Variants in CYP4F22 observed in about 807,000 individuals in gnomAD.
The protein encoded by CYP4F22 is cytochrome P450 family 4 subfamily F member 22.
Under a neutral mutation model 60.4 loss-of-function variants are expected in CYP4F22, and 37 were observed. The observed-to-expected ratio is 0.61, with a 90% CI of 0.47 to 0.81. CYP4F22 has a LOEUF of 0.81. Ranked by LOEUF, CYP4F22 falls within the 30% of genes least tolerant of loss-of-function variation. The pLI is 0.00. For missense variants in CYP4F22, 655 were observed against 715.0 expected (o/e 0.92, Z 0.96); for synonymous variants, 258 against 280.5 (o/e 0.92, Z 0.80).
chr19:15,537,530 C>T lies in CYP4F22; in HGVS notation c.422-5C>T, dbSNP rs762648974. ...AGGTCCCTAACCTCAGTCTTCTGGG[C>T]CCAGGGGATGGGCTGCTGCTCAGCA... On this transcript the variant is annotated splice_region_variant and splice_polypyrimidine_tract_variant and intron_variant, in intron 5 of 13. Coordinates refer to ENST00000269703, the MANE Select transcript of CYP4F22 (RefSeq NM_173483.4). 1 of 1,614,136 alleles carries T rather than the reference C, an allele frequency of 6.2e-7. No individual in the cohort carries two copies. The highest frequency in any genetic ancestry group is 8.5e-7 in the Non-Finnish European group (1 of 1,180,040).
intron 4 of CYP4F22, among the ~76,000 whole-genome samples, chr19:15,534,928 G>A (rs115634028): frequency 2.3e-3 from 343 of 152,264 alleles, no homozygotes; most frequent in African/African-American, 7.8e-3. Context: ...ATGTTGGGGG[G>A]AATAGGAAAT....
intron 12 of CYP4F22, among the ~76,000 whole-genome samples, chr19:15,549,672 AG>A: frequency 6.6e-6 from 1 of 151,422 alleles, no homozygotes; most frequent in East Asian, 2.0e-4. Context: ...TCTACCAAAA[AG>A]GAAAAAGTTG....
At chr19:15,549,297 C>T (rs1377358948) in intron 12 of CYP4F22, 95 bp downstream of exon 12, 11 of 1,212,364 alleles carry the variant, frequency 9.1e-6, no homozygotes, top group Middle Eastern at 3.8e-4. Context: ...GGCCTGAGTG[C>T]GCACACCCCT....
At chr19:15,550,987 T>C (rs1971588596) in intron 13 of CYP4F22, among the ~76,000 whole-genome samples, 1 of 152,076 alleles carries the variant, frequency 6.6e-6, no homozygotes, top group African/African-American at 2.4e-5. Context: ...GCTCCCACGC[T>C]CCCATTGGCT....
chr19:15,551,157 C>T, intron 13 of CYP4F22, 137 bp from the exon 14 acceptor site: 1 of 1,147,826 alleles, frequency 8.7e-7, no homozygotes, highest in African/African-American at 1.5e-5. Context: ...TCACTTTAAC[C>T]CTCACCCAGC....
rs1162465828 is a variant in CYP4F22 at position 15,548,002 on chromosome 19, AGTGTGTGTGTGTGT to A, written c.1137-71_1137-58del. The A allele has an allele frequency of 4.8e-4, 177 of 367,234 alleles. 3 individuals are homozygous for A. Among genetic ancestry groups the A allele is most frequent in the South Asian group, 4.0e-3 (98 of 24,530 alleles). 22.7% of individuals were successfully genotyped at this position (367,234 alleles called of 1,614,324 possible). A position where few individuals can be genotyped will look rare whatever the true frequency, so the allele number is the denominator to read the frequency against. ...GAGAGAGAGAGAGAGAGAGGGAGAGAGTGTGTGTGTGTGTGTGTGTGTGTGTGTGTGTGTGTGTG... is the reference window on the plus strand; with the variant it reads ...GAGAGAGAGAGAGAGAGAGGGAGAGAGTGTGTGTGTGTGTGTGTGTGTGTG... On this transcript the variant is annotated intron_variant, in intron 10 of 13. Transcript: ENST00000269703.
chr19:15,541,541 G>A (rs552232025), intron 8 of CYP4F22, among the ~76,000 whole-genome samples: 5 of 152,184 alleles, frequency 3.3e-5, no homozygotes, highest in African/African-American at 1.2e-4. Context: ...AGCGGAGGGG[G>A]GGTGGGCAGG....
At chr19:15,531,228 A>G (rs1157485399) in intron 4 of CYP4F22, among the ~76,000 whole-genome samples, 3 of 152,232 alleles carry the variant, frequency 2.0e-5, no homozygotes, top group African/African-American at 7.2e-5. Flanking sequence ...GCATTTAAAA[A>G]TATTAGCTGG....
chr19:15,520,743 A>G (rs1177435971), intron 1 of CYP4F22, among the ~76,000 whole-genome samples: 1 of 149,544 alleles, frequency 6.7e-6, no homozygotes, highest in Non-Finnish European at 1.5e-5. Context: ...GAATGCTGCC[A>G]TGCCCTGCTA....
At chr19:15,539,807 T>C (rs1971437997) in intron 7 of CYP4F22, among the ~76,000 whole-genome samples, 1 of 152,196 alleles carries the variant, frequency 6.6e-6, no homozygotes, top group Non-Finnish European at 1.5e-5. Context: ...ACACTTGTTA[T>C]TATAAGTTTT....
At chr19:15,522,453 T>C (rs1374450216) in intron 1 of CYP4F22, among the ~76,000 whole-genome samples, 3 of 152,088 alleles carry the variant, frequency 2.0e-5, no homozygotes, top group African/African-American at 7.2e-5. Context: ...GGTGGGAGGA[T>C]TGCTTGAGCC....
intron 1 of CYP4F22, among the ~76,000 whole-genome samples, chr19:15,519,943 A>G (rs1422340305): frequency 6.6e-6 from 1 of 152,242 alleles, no homozygotes; most frequent in Non-Finnish European, 1.5e-5. Context: ...ACTGAGGACC[A>G]GGCCACATAG....
chr19:15,538,662 C>G (rs559794155), intron 7 of CYP4F22, among the ~76,000 whole-genome samples: 1 of 152,284 alleles, frequency 6.6e-6, no homozygotes, highest in African/African-American at 2.4e-5. Context: ...AAACTTGCAA[C>G]ACATAGTAGG....
intron 1 of CYP4F22, among the ~76,000 whole-genome samples, chr19:15,518,641 T>G: frequency 8.1e-6 from 1 of 124,220 alleles, no homozygotes; most frequent in African/African-American, 3.4e-5. Flanking sequence ...GAATGAGACT[T>G]TGTCTCAAAA....
chr19:15,548,028 TG>T, intron 10 of CYP4F22, 79 bp from the exon 11 acceptor site: 3 of 1,291,534 alleles, frequency 2.3e-6, no homozygotes, highest in African/African-American at 3.0e-5. Context: ...TGTGTGTGTG[TG>T]TGTGTGTGTG....
At chr19:15,527,529 G>A (rs1179580410) in intron 3 of CYP4F22, among the ~76,000 whole-genome samples, 1 of 152,196 alleles carries the variant, frequency 6.6e-6, no homozygotes, top group Admixed American at 6.5e-5. Context: ...TTTGATGGTT[G>A]TCCTAGAGGG....
intron 12 of CYP4F22, among the ~76,000 whole-genome samples, chr19:15,550,245 A>G (rs940962348): frequency 2.0e-5 from 3 of 152,074 alleles, no homozygotes; most frequent in Non-Finnish European, 4.4e-5. Context: ...ATGAGCTATG[A>G]TCGCGCTTCT....
chr19:15,528,914 A>G (rs1347310269), intron 3 of CYP4F22, among the ~76,000 whole-genome samples: 1 of 152,052 alleles, frequency 6.6e-6, no homozygotes, highest in African/African-American at 2.4e-5. Context: ...AATGCCAACC[A>G]TGATCATTAT....
chr19:15,530,372 A>C (rs1455550505), intron 4 of CYP4F22, among the ~76,000 whole-genome samples: 2 of 152,122 alleles, frequency 1.3e-5, no homozygotes, highest in African/African-American at 4.8e-5. Flanking sequence ...TTCAACACCC[A>C]GCTCCAATGG....
Sources: allele counts gnomAD v4.1 joint callset (sites outside exome capture counted in the v4.1 genomes callset), GRCh38; gene constraint gnomAD v4.1.1; transcripts MANE v1.5; gene names NCBI Gene and HGNC (gene_info 2026-07-23, HGNC 2026-07-21).